TMEM63B: variants seen among roughly 807,000 people sequenced by gnomAD.
TMEM63B encodes mechanosensitive cation channel TMEM63B.
A neutral mutation model predicts 102.6 loss-of-function variants in TMEM63B; 23 were observed. That is an observed-to-expected ratio of 0.22 (90% CI 0.16 to 0.32). TMEM63B has a LOEUF of 0.32. Ranked by LOEUF, TMEM63B falls within the 10% of genes least tolerant of loss-of-function variation. TMEM63B has a pLI of 1.00. For synonymous variants in TMEM63B, 444 were observed against 437.0 expected, an observed-to-expected ratio of 1.02 and a Z score of -0.20; for missense variants, 628 against 1,095.9, an observed-to-expected ratio of 0.57 and a Z score of 6.03.
chr6:44,131,278 AG>A (rs1554194641), intron 1 of TMEM63B, among the ~76,000 whole-genome samples: 1 of 152,066 alleles, frequency 6.6e-6, no homozygotes, highest in Non-Finnish European at 1.5e-5. Flanking sequence ...TGAAGTGGGT[AG>A]GGGTAGAGTA....
In TMEM63B at chr6:44,150,364, A is replaced by T; in HGVS notation, c.1607+54A>T. The T allele has an allele frequency of 6.4e-7, 1 of 1,567,254 alleles. No homozygotes were observed. Among genetic ancestry groups the T allele is most frequent in the African/African-American group, 1.4e-5 (1 of 73,990 alleles). ...AGGGTAGGGGGACAGCAGGATAGGGAGAGGAGAGCAGTTCAGCCTCCCTAC... is the reference window on the plus strand; with the variant it reads ...AGGGTAGGGGGACAGCAGGATAGGGTGAGGAGAGCAGTTCAGCCTCCCTAC... On this transcript the variant is annotated intron_variant, in intron 17 of 23. Transcript: ENST00000323267. The surrounding 1 kb of genome is among the most constrained non-coding windows in gnomAD (Gnocchi z 4.7).
At chr6:44,149,280 G>T in intron 15 of TMEM63B, 1 of 409,058 alleles carries the variant, frequency 2.4e-6, no homozygotes, top group East Asian at 5.4e-5. Context: ...CTTTGGACTT[G>T]GATTCTGATC....
At chr6:44,131,345 TA>T (rs1191416344) in intron 1 of TMEM63B, among the ~76,000 whole-genome samples, 1 of 152,180 alleles carries the variant, frequency 6.6e-6, no homozygotes, top group Non-Finnish European at 1.5e-5. Context: ...GGTTTCGTAG[TA>T]ACAGAGCTCG....
intron 4 of TMEM63B, among the ~76,000 whole-genome samples, chr6:44,135,670 C>T (rs1326211173): frequency 6.6e-6 from 1 of 152,162 alleles, no homozygotes; most frequent in African/African-American, 2.4e-5. Context: ...AGGAAATCCT[C>T]AGCACAATCA....
At chr6:44,136,015 G>A (rs868761029) in intron 4 of TMEM63B, among the ~76,000 whole-genome samples, 2 of 151,908 alleles carry the variant, frequency 1.3e-5, no homozygotes, top group African/African-American at 2.4e-5. Context: ...TCCGTTGCCC[G>A]CCCCCGGCCC....
In TMEM63B at chr6:44,150,384, C is replaced by T. The variant is rs985951019; in HGVS notation, c.1607+74C>T. ...TAGGGAGAGGAGAGCAGTTCAGCCT[C>T]CCTACCTCCCCTACAAAGCAAGGGG... On this transcript the variant is annotated intron_variant, in intron 17 of 23. Coordinates refer to ENST00000323267, the MANE Select transcript of TMEM63B (RefSeq NM_018426.3). The surrounding 1 kb of genome is among the most constrained non-coding windows in gnomAD (Gnocchi z 4.7). The T allele has an allele frequency of 2.0e-6, 3 of 1,507,348 alleles. No individual in the cohort carries two copies. The African/African-American group carries it at 4.1e-5, about 21-fold the overall frequency. 93.4% of individuals were successfully genotyped at this position (1,507,348 alleles called of 1,614,324 possible).
At chr6:44,149,789 A>G in intron 15 of TMEM63B, 70 bp from the exon 16 acceptor site, 1 of 1,232,664 alleles carries the variant, frequency 8.1e-7, no homozygotes, top group Non-Finnish European at 1.2e-6. Flanking sequence ...GCTGGGGAGG[A>G]GGCACATAAG....
intron 1 of TMEM63B, among the ~76,000 whole-genome samples, chr6:44,129,344 G>T (rs1777842102): frequency 6.7e-6 from 1 of 149,182 alleles, no homozygotes; most frequent in African/African-American, 2.5e-5. Context: ...CTCCAGCCTG[G>T]GTGACAGAGC....
In TMEM63B at chr6:44,148,975, C is replaced by T. The variant is rs200424885; in HGVS notation, c.1413+30C>T. On this transcript the variant is annotated intron_variant, in intron 15 of 23. Transcript: ENST00000323267. The surrounding 1 kb of genome is among the most constrained non-coding windows in gnomAD (Gnocchi z 5.1). ...GGCCTCATGCCCCTGTCACTTTCCA[C>T]GCTGGGTCACAACACACAGATACCA... The T allele has an allele frequency of 6.0e-5, 97 of 1,613,954 alleles. No homozygotes were observed. Among genetic ancestry groups the T allele is most frequent in the South Asian group, 3.3e-5 (3 of 91,078 alleles).
intron 22 of TMEM63B, 28 bp downstream of exon 22, chr6:44,154,216 G>C (rs1183646236): frequency 6.2e-7 from 1 of 1,608,138 alleles, no homozygotes; most frequent in Non-Finnish European, 8.5e-7. Flanking sequence ...CAGGCGGATG[G>C]CTGCGGGCAG....
At chr6:44,151,724 G>A (rs1766672179) in intron 18 of TMEM63B, 122 bp from the exon 19 acceptor site, 1 of 1,191,652 alleles carries the variant, frequency 8.4e-7, no homozygotes, top group Non-Finnish European at 1.2e-6. Flanking sequence ...CGCTAAGCTG[G>A]GGGTGTCCAC....
intron 10 of TMEM63B, among the ~76,000 whole-genome samples, chr6:44,144,079 G>A (rs2128245346): frequency 6.6e-6 from 1 of 152,342 alleles, no homozygotes; most frequent in East Asian, 1.9e-4. Flanking sequence ...GGAGACTCTA[G>A]TCCTAATTGG....
intron 11 of TMEM63B, 58 bp downstream of exon 11, chr6:44,146,985 C>T: frequency 1.3e-6 from 2 of 1,570,828 alleles, no homozygotes; most frequent in Non-Finnish European, 1.8e-6. Context: ...TTGTGGAGGA[C>T]ATCTTGGCTA....
rs751367846 is a variant in TMEM63B at position 44,152,685 on chromosome 6, C to T, written c.1929C>T (p.Ile643=). 6.2e-7 allele frequency: 1 copy of T among 1,607,172 alleles called. No individual in the cohort carries two copies. Among genetic ancestry groups the T allele is most frequent in the South Asian group, 1.1e-5 (1 of 91,088 alleles). ...VVMTYSITCP[I]IVPFGLMYML... ...TGACCTACAGTATCACCTGCCCCAT[C>T]ATCGTGCCCTTCGGTAGGCACCGCC... is the stretch of plus-strand genomic sequence containing the variant. The change falls in exon 20 of 24, where the codon ATC becomes ATT. Residue 643 remains isoleucine (I), a synonymous_variant. Transcript: ENST00000323267. This position sits in a 1 kb window ranked among gnomAD's most constrained non-coding sequence, Gnocchi z 6.4.
At chr6:44,147,032 A>G (rs1055337870) in intron 11 of TMEM63B, 105 bp downstream of exon 11, 6 of 1,266,786 alleles carry the variant, frequency 4.7e-6, no homozygotes, top group South Asian at 2.5e-5. Context: ...TTCCTAGGGC[A>G]TTTGATTTTA....
At chr6:44,149,049 C>G in intron 15 of TMEM63B, 104 bp downstream of exon 15, 1 of 1,518,824 alleles carries the variant, frequency 6.6e-7, no homozygotes, top group Non-Finnish European at 8.9e-7. Flanking sequence ...TCTGCTTGTT[C>G]CAACCCCGTG....
chr6:44,152,072 A>G lies in TMEM63B; in HGVS notation c.1836+64A>G, dbSNP rs1381464001. 3.3e-6 allele frequency: 5 copies of G among 1,516,860 alleles called. No homozygotes were observed. The highest frequency in any genetic ancestry group is 4.8e-5 in the Admixed American group (2 of 42,066). The allele number at this position is 1,516,860 out of a possible 1,614,324, so 94.0% of individuals were successfully genotyped here. A position where few individuals can be genotyped will look rare whatever the true frequency, so the allele number is the denominator to read the frequency against. ...CCCTGGTGGCCCAACAAGAAACAGC[A>G]GCCATCGCGCTAGGGTTGAGGGGCA... is the stretch of plus-strand genomic sequence containing the variant. On this transcript the variant is annotated intron_variant, in intron 19 of 23. Coordinates refer to ENST00000323267, the MANE Select transcript of TMEM63B (RefSeq NM_018426.3). The surrounding 1 kb of genome is among the most constrained non-coding windows in gnomAD (Gnocchi z 6.4).
At chr6:44,138,736 G>GCTCCCCCCC in intron 6 of TMEM63B, 1 of 280,538 alleles carries the variant, frequency 3.6e-6, no homozygotes, top group Non-Finnish European at 6.9e-6. Context: ...CCCCCTGCCG[G>GCTCCCCCCC]CCCCCCCGCT....
Position 44,154,418 on chromosome 6 carries a change from C to A in TMEM63B, c.2280C>A (p.Pro760=). 2 of 1,614,084 alleles carry A rather than the reference C, an allele frequency of 1.2e-6. No homozygotes were observed. The highest frequency in any genetic ancestry group is 1.1e-5 in the South Asian group (1 of 91,086). Residue 760 remains proline (P), a synonymous_variant, in exon 23 of 24, where the codon CCC becomes CCA. Coordinates refer to ENST00000323267, the MANE Select transcript of TMEM63B (RefSeq NM_018426.3). ...TVDPRSNGRP[P]TAAAVPKSAK... ...ACCCCAGAAGCAATGGACGGCCCCC[C>A]ACTGCTGCTGCTGTCCCCAAATCTG...
Sources: allele counts gnomAD v4.1 joint callset (sites outside exome capture counted in the v4.1 genomes callset), GRCh38; gene constraint gnomAD v4.1.1; non-coding constraint Gnocchi (gnomAD v3.1); transcripts MANE v1.5; gene names NCBI Gene and HGNC (gene_info 2026-07-23, HGNC 2026-07-21).